ZHX1: variants seen among roughly 807,000 people sequenced by gnomAD.
ZHX1 encodes the protein zinc fingers and homeoboxes protein 1.
ZHX1 carries 20 observed loss-of-function variants against 61.8 expected under a neutral mutation model. The ratio of observed to expected loss-of-function variants is 0.32; its 90% CI spans 0.23 to 0.47. ZHX1 has a LOEUF of 0.47. Ranked by LOEUF, ZHX1 falls within the 20% of genes least tolerant of loss-of-function variation. The pLI, the probability that ZHX1 is intolerant of heterozygous loss-of-function variation, is 1.00. For missense variants in ZHX1, 800 were observed against 1,034.8 expected, an observed-to-expected ratio of 0.77 and a Z score of 3.11; for synonymous variants, 318 against 352.6, an observed-to-expected ratio of 0.90 and a Z score of 1.10.
intron 2 of ZHX1, among the ~76,000 whole-genome samples, chr8:123,257,574 T>C (rs1353417743): frequency 1.3e-5 from 2 of 152,186 alleles, no homozygotes; most frequent in African/African-American, 4.8e-5. Flanking sequence ...GAAGACCATT[T>C]TTCCACATAC....
In ZHX1 at chr8:123,256,035, T is replaced by C. The variant is rs1258583640; in HGVS notation, c.-89A>G. On this transcript the variant is annotated 5_prime_UTR_variant, in exon 3 of 4. Coordinates refer to ENST00000395571, the MANE Select transcript of ZHX1 (RefSeq NM_007222.5). ...GTTCTTCATTTGAAAACAATGGCTTTTGGTTCTTCAAGTCCATTTTTGTGC... is the reference window on the plus strand; with the variant it reads ...GTTCTTCATTTGAAAACAATGGCTTCTGGTTCTTCAAGTCCATTTTTGTGC... The C allele has an allele frequency of 2.3e-6, 3 of 1,323,000 alleles. No individual in the cohort carries two copies. The highest frequency in any genetic ancestry group is 2.6e-5 in the Admixed American group (1 of 38,482). 82.0% of individuals were successfully genotyped at this position (1,323,000 alleles called of 1,614,324 possible).
rs546364674 is a variant in ZHX1, at chr8:123,251,249, G to A, written c.*4-929C>T. ...TTCCCCTTCGCCTTCTGCCATGACT[G>A]TAAGTTTCTTGGGGCCTCCCAGTCA... On this transcript the variant is annotated intron_variant, in intron 3 of 3. Coordinates refer to ENST00000395571, the MANE Select transcript of ZHX1 (RefSeq NM_007222.5). Among the ~76,000 whole-genome samples the A allele has an allele frequency of 2.6e-5, 4 of 152,238 alleles. No individual in the cohort carries two copies. In the South Asian group the frequency reaches 8.3e-4, roughly 32 times the overall value.
rs192766344 is a variant in ZHX1, at chr8:123,271,084, A to C, written c.-340+3133T>G. Among the ~76,000 whole-genome samples the C allele has an allele frequency of 9.9e-4, 151 of 152,330 alleles. 1 individual carries two copies. The highest frequency in any genetic ancestry group is 2.7e-3 in the Admixed American group (41 of 15,306). Reference sequence around the variant, plus strand: ...AATGTATATTCTGATTAATAATCTAAGTCAGCAACTTTAGTCATGCAAATC... The same window carrying C: ...AATGTATATTCTGATTAATAATCTACGTCAGCAACTTTAGTCATGCAAATC... On this transcript the variant is annotated intron_variant, in intron 1 of 3. Transcript: ENST00000395571.
At position 123,253,769 on chromosome 8, in the gene ZHX1, ATAG is replaced by A. The variant is rs764394315; in HGVS notation, c.2175_2177del (p.Tyr726del). ...TCATACTACTTGAATTGGCGCTCTG[ATAG>A]TAGTAGTACCATTTCAAGTTTCCAT... On this transcript the variant is annotated inframe_deletion, in exon 3 of 4. Transcript: ENST00000395571. 6.2e-7 allele frequency: 1 copy of A among 1,614,168 alleles called. No individual in the cohort carries two copies. Among genetic ancestry groups the A allele is most frequent in the South Asian group, 1.1e-5 (1 of 91,092 alleles).
intron 2 of ZHX1, among the ~76,000 whole-genome samples, chr8:123,261,314 G>A (rs1356260479): frequency 6.6e-6 from 1 of 152,132 alleles, no homozygotes; most frequent in East Asian, 1.9e-4. Context: ...AAGAATCCCA[G>A]GCCCAGAGTA....
In ZHX1 at chr8:123,255,768, T is replaced by C. The variant is rs142179845; in HGVS notation, c.179A>G (p.Asn60Ser). 2.5e-4 allele frequency: 407 copies of C among 1,614,104 alleles called. 1 individual carries two copies. Among genetic ancestry groups the C allele is most frequent in the East Asian group, 1.6e-3 (72 of 44,888 alleles). The change falls in exon 3 of 4, where the codon AAT becomes AGT. Residue 60 changes from asparagine (N) to serine (S), a missense_variant. Physicochemically the swap from Asn to Ser is conservative, Grantham distance 46. Transcript: ENST00000395571. ...ACCTTCAACTTTTTTATTTTGCTGATTGTCTGAATCCACAGATTCATGAAC... is the reference window on the plus strand; with the variant it reads ...ACCTTCAACTTTTTTATTTTGCTGACTGTCTGAATCCACAGATTCATGAAC... ...EEVHESVDSD[N>S]QQNKKVEGGY...
intron 2 of ZHX1, among the ~76,000 whole-genome samples, chr8:123,264,503 T>C (rs1415831955): frequency 6.6e-6 from 1 of 152,216 alleles, no homozygotes; most frequent in African/African-American, 2.4e-5. Flanking sequence ...GATAACAATA[T>C]GTTGGCCTGG....
intron 2 of ZHX1, 42 bp downstream of exon 2, chr8:123,267,231 C>G: frequency 6.6e-7 from 1 of 1,518,208 alleles, no homozygotes; most frequent in African/African-American, 1.4e-5. Flanking sequence ...TGAGTACATT[C>G]AGTATCTGAG....
At chr8:123,270,354 TGAAA>T (rs1409431886) in intron 1 of ZHX1, among the ~76,000 whole-genome samples, 6 of 152,150 alleles carry the variant, frequency 3.9e-5, no homozygotes, top group South Asian at 2.1e-4. Context: ...CAAAATTTAA[TGAAA>T]GAGTTATTTT....
Position 123,267,354 on chromosome 8 carries a change from A to T in ZHX1, c.-307T>A. 7.2e-7 allele frequency: 1 copy of T among 1,387,980 alleles called. No homozygotes were observed. The highest frequency in any genetic ancestry group is 2.5e-5 in the East Asian group (1 of 39,752). The allele number at this position is 1,387,980 out of a possible 1,614,324, so 86.0% of individuals were successfully genotyped here. ...TAGATGTTTAGCTCAGGCCATCATT[A>T]CCAACAGGTCCAAAGCAGCAGTCTG... On this transcript the variant is annotated 5_prime_UTR_variant, in exon 2 of 4. An upstream open reading frame in the 5' UTR loses its in-frame stop. Transcript: ENST00000395571.
chr8:123,254,098 TA>T lies in ZHX1; in HGVS notation c.1848del (p.Phe616LeufsTer10). The T allele has an allele frequency of 6.2e-7, 1 of 1,614,164 alleles. No homozygotes were observed. The highest frequency in any genetic ancestry group is 8.5e-7 in the Non-Finnish European group (1 of 1,180,030). ...KLTRREIDAW[F>X]TEKKKSKALK... is the part of the protein sequence containing the mutation. ...AAAGCTTTTGATTTCTTCTTCTCTGTAAACCAAGCATCGATTTCTCTTCTGG... is the reference window on the plus strand; with the variant it reads ...AAAGCTTTTGATTTCTTCTTCTCTGTAACCAAGCATCGATTTCTCTTCTGG... On this transcript the variant is annotated frameshift_variant, in exon 3 of 4. Coordinates refer to ENST00000395571, the MANE Select transcript of ZHX1 (RefSeq NM_007222.5). LOFTEE classifies it high-confidence loss of function. This position sits in a 1 kb window ranked among gnomAD's most constrained non-coding sequence, Gnocchi z 4.1.
At position 123,253,671 on chromosome 8, in the gene ZHX1, C is replaced by T. The variant is rs1449523424; in HGVS notation, c.2276G>A (p.Arg759Gln). 9 of 1,614,170 alleles carry T rather than the reference C, an allele frequency of 5.6e-6. No individual in the cohort carries two copies. Among genetic ancestry groups the T allele is most frequent in the East Asian group, 2.2e-5 (1 of 44,888 alleles). The change falls in exon 3 of 4, where the codon CGG (arginine) becomes CAG (glutamine). Residue 759 changes from arginine (R) to glutamine (Q), a missense_variant. Coordinates refer to ENST00000395571, the MANE Select transcript of ZHX1 (RefSeq NM_007222.5). Reference sequence around the variant, plus strand: ...GTTAATTCTTTTGCTTCCTCTAGGCCGCCCACGCGGTCTTCCTCTTCCCCG... The same window carrying T: ...GTTAATTCTTTTGCTTCCTCTAGGCTGCCCACGCGGTCTTCCTCTTCCCCG... ...KGRGRGRPRG[R>Q]PRGSKRINNW...
intron 2 of ZHX1, among the ~76,000 whole-genome samples, chr8:123,258,436 T>A (rs751511488): frequency 7.9e-5 from 12 of 152,220 alleles, no homozygotes; most frequent in Non-Finnish European, 1.5e-4. Flanking sequence ...TATTCCTTTA[T>A]AGGAACACAA....
At chr8:123,271,736 T>C (rs1826660253) in intron 1 of ZHX1, among the ~76,000 whole-genome samples, 1 of 152,126 alleles carries the variant, frequency 6.6e-6, no homozygotes. Flanking sequence ...CCACCTCTCC[T>C]ATGCTATTAA....
chr8:123,272,159 T>C (rs1425049288), intron 1 of ZHX1, among the ~76,000 whole-genome samples: 1 of 152,204 alleles, frequency 6.6e-6, no homozygotes, highest in Non-Finnish European at 1.5e-5. Flanking sequence ...CTTTCGAAAA[T>C]ACAAGAATGG....
At chr8:123,265,979 G>T (rs1004198537) in intron 2 of ZHX1, among the ~76,000 whole-genome samples, 1 of 152,038 alleles carries the variant, frequency 6.6e-6, no homozygotes, top group Non-Finnish European at 1.5e-5. Context: ...AATCCAAATC[G>T]GACAGATTTT....
Position 123,250,131 on chromosome 8 carries a change from C to T in ZHX1, c.*193G>A. ...TTTAATTAGTGTTCTATTTACATTG[C>T]AGAACTTCCACCAACTGCAGTAGTT... On this transcript the variant is annotated 3_prime_UTR_variant, in exon 4 of 4. Coordinates refer to ENST00000395571, the MANE Select transcript of ZHX1 (RefSeq NM_007222.5). The T allele has an allele frequency of 2.5e-6, 1 of 402,736 alleles. No individual in the cohort carries two copies. The allele number at this position is 402,736 out of a possible 1,614,324, so 24.9% of individuals were successfully genotyped here. A position where few individuals can be genotyped will look rare whatever the true frequency, so the allele number is the denominator to read the frequency against.
intron 1 of ZHX1, among the ~76,000 whole-genome samples, chr8:123,273,596 T>C (rs1467925648): frequency 6.6e-6 from 1 of 152,216 alleles, no homozygotes; most frequent in Non-Finnish European, 1.5e-5. Flanking sequence ...ATAGCCTTCC[T>C]TGAACTGGAG....
intron 2 of ZHX1, among the ~76,000 whole-genome samples, chr8:123,259,545 G>A (rs1335435739): frequency 1.3e-5 from 2 of 152,048 alleles, no homozygotes; most frequent in Admixed American, 6.5e-5. Context: ...CTGAGTCTAC[G>A]AGTTCAAGAC....
Sources: gnomAD v4.1 joint callset for allele counts (sites outside exome capture counted in the v4.1 genomes callset) on GRCh38, gnomAD v4.1.1 for gene constraint, Gnocchi (gnomAD v3.1) non-coding constraint, MANE v1.5 for transcripts, NCBI Gene and HGNC (gene_info 2026-07-23, HGNC 2026-07-21) for gene names.